The following CYP7B1 variants were observed in gnomAD, a reference collection of about 807,000 sequenced individuals.
CYP7B1 encodes cytochrome P450 family 7 subfamily B member 1.
CYP7B1 carries 29 observed loss-of-function variants against 42.7 expected under a neutral mutation model. The observed-to-expected ratio is 0.68, with a 90% confidence interval of 0.51 to 0.93. The LOEUF is 0.93. CYP7B1 is among the 40% of genes least tolerant of loss of function. The pLI is 0.00. For missense variants in CYP7B1, 655 were observed against 600.5 expected, an observed-to-expected ratio of 1.09 and a Z score of -0.95; for synonymous variants, 235 against 218.2, an observed-to-expected ratio of 1.08 and a Z score of -0.68.
chr8:64,614,745 G>A (rs1805408515), intron 4 of CYP7B1, among the ~76,000 whole-genome samples: 1 of 152,142 alleles, frequency 6.6e-6, no homozygotes, highest in Non-Finnish European at 1.5e-5. Context: ...CAGATGCTCA[G>A]AATCAAATGA....
intron 1 of CYP7B1, among the ~76,000 whole-genome samples, chr8:64,793,808 T>G (rs530250452): frequency 5.3e-5 from 8 of 152,148 alleles, no homozygotes; most frequent in African/African-American, 1.9e-4. Context: ...AACTTAAAGA[T>G]ACATATAAGC....
chr8:64,608,505 T>A (rs1805316622), intron 4 of CYP7B1, among the ~76,000 whole-genome samples: 1 of 152,198 alleles, frequency 6.6e-6, no homozygotes, highest in African/African-American at 2.4e-5. Flanking sequence ...GCCATGGTGA[T>A]CAGAGGATAG....
chr8:64,616,306 AAT>A (rs1273350803), intron 2 of CYP7B1, 25 bp from the exon 3 acceptor site: 5 of 1,389,292 alleles, frequency 3.6e-6, no homozygotes, highest in Non-Finnish European at 5.0e-6. Flanking sequence ...AGAGAGAGAA[AAT>A]ATGAGTTCGT....
At chr8:64,606,227 G>GA (rs1422290608) in intron 4 of CYP7B1, among the ~76,000 whole-genome samples, 2 of 152,192 alleles carry the variant, frequency 1.3e-5, no homozygotes, top group African/African-American at 2.4e-5. Context: ...GATGAGGCCA[G>GA]AAAAGAACTT....
intron 1 of CYP7B1, among the ~76,000 whole-genome samples, chr8:64,789,271 A>C (rs1210021118): frequency 6.6e-6 from 1 of 152,154 alleles, no homozygotes; most frequent in Non-Finnish European, 1.5e-5. Flanking sequence ...CTAAGAAAAA[A>C]AGTTTATTTT....
intron 1 of CYP7B1, among the ~76,000 whole-genome samples, chr8:64,705,802 C>T (rs4472561): frequency 0.034 from 5,190 of 152,128 alleles, 198 homozygotes; most frequent in East Asian, 0.16. Context: ...CCAGTACAGG[C>T]CATCTTTCTT....
At chr8:64,751,085 C>T (rs900444874) in intron 1 of CYP7B1, among the ~76,000 whole-genome samples, 3 of 152,272 alleles carry the variant, frequency 2.0e-5, no homozygotes, top group Non-Finnish European at 2.9e-5. Context: ...TCCCTGGTTG[C>T]TTCCTGTGAC....
At chr8:64,786,591 C>T (rs1000967919) in intron 1 of CYP7B1, among the ~76,000 whole-genome samples, 15 of 152,212 alleles carry the variant, frequency 9.9e-5, no homozygotes, top group African/African-American at 2.4e-5. Flanking sequence ...AGCCCCCCTC[C>T]CAGTTGCTTT....
chr8:64,695,379 T>C (rs144408425), intron 1 of CYP7B1, among the ~76,000 whole-genome samples: 184 of 152,226 alleles, frequency 1.2e-3, no homozygotes, highest in African/African-American at 4.1e-3. Context: ...GCTGCCTACA[T>C]TGGGCGGCGG....
chr8:64,681,356 A>G lies in CYP7B1; in HGVS notation c.123-56817T>C, dbSNP rs1327249414. Among the ~76,000 whole-genome samples, 3 of 152,254 alleles carry G rather than the reference A, an allele frequency of 2.0e-5. No homozygotes were observed. In the Middle Eastern group the frequency reaches 0.01, roughly 518 times the overall value. ...TAGTGGTGGGGGGAGGAAGTTGAAA[A>G]GACAGGTGTGCTCCTTTTGCAGCAG... On this transcript the variant is annotated intron_variant, in intron 1 of 5. Transcript: ENST00000310193.
rs968445995 is a variant in CYP7B1 at position 64,708,908 on chromosome 8, A to T, written c.123-84369T>A. On this transcript the variant is annotated intron_variant, in intron 1 of 5. Coordinates refer to ENST00000310193, the MANE Select transcript of CYP7B1 (RefSeq NM_004820.5). ...CTTTCCACTGGTTTTGTGTATCTAG[A>T]TGAAAGTACTTTCCATAGATAACAC... Among the ~76,000 whole-genome samples, 4 of 152,294 alleles carry T rather than the reference A, an allele frequency of 2.6e-5. No homozygotes were observed. The South Asian group carries it at 8.3e-4, about 32-fold the overall frequency.
rs1327554152 is a variant in CYP7B1 at position 64,613,019 on chromosome 8, GA to G, written c.1057+2006del. 2.6e-5 allele frequency among the ~76,000 whole-genome samples: 4 copies of G among 152,032 alleles called. No homozygotes were observed. In the South Asian group the frequency reaches 8.3e-4, roughly 32 times the overall value. On this transcript the variant is annotated intron_variant, in intron 4 of 5. Coordinates refer to ENST00000310193, the MANE Select transcript of CYP7B1 (RefSeq NM_004820.5). ...GCATAAAACCTTCTATCTTTTGAAA[GA>G]AAAAAATACACACTATTTTCTAGAT...
At chr8:64,730,116 C>T (rs1392042447) in intron 1 of CYP7B1, among the ~76,000 whole-genome samples, 1 of 152,204 alleles carries the variant, frequency 6.6e-6, no homozygotes, top group Non-Finnish European at 1.5e-5. Context: ...GGCTGGAATG[C>T]AGTGGTACCA....
intron 1 of CYP7B1, among the ~76,000 whole-genome samples, chr8:64,660,562 G>A (rs1392044433): frequency 6.6e-6 from 1 of 152,200 alleles, no homozygotes. Flanking sequence ...CCACAGAGTT[G>A]CCTCATGACA....
intron 1 of CYP7B1, among the ~76,000 whole-genome samples, chr8:64,764,543 C>T (rs1470472265): frequency 6.6e-6 from 1 of 152,056 alleles, no homozygotes; most frequent in Non-Finnish European, 1.5e-5. Flanking sequence ...CTCCGTGACC[C>T]TGTAACACTC....
intron 4 of CYP7B1, among the ~76,000 whole-genome samples, chr8:64,610,084 C>G (rs2129630050): frequency 6.6e-6 from 1 of 152,270 alleles, no homozygotes; most frequent in East Asian, 1.9e-4. Flanking sequence ...TCACATGTTT[C>G]TCATCCTATT....
At chr8:64,652,119 A>C (rs1038452287) in intron 1 of CYP7B1, among the ~76,000 whole-genome samples, 1 of 152,236 alleles carries the variant, frequency 6.6e-6, no homozygotes, top group African/African-American at 2.4e-5. Context: ...AATTATAAAT[A>C]CTCAAAATGC....
In CYP7B1 at chr8:64,741,107, G is replaced by C. The variant is rs115547441; in HGVS notation, c.122+57359C>G. 7.7e-3 allele frequency among the ~76,000 whole-genome samples: 1,160 copies of C among 151,592 alleles called. 17 individuals are homozygous for C. The highest frequency in any genetic ancestry group is 0.026 in the African/African-American group (1,090 of 41,346). ...ACATAATATTTAATAGTGAAAAACT[G>C]GATGCTCTTTCCCTAAGTTAGAGAT... On this transcript the variant is annotated intron_variant, in intron 1 of 5. Coordinates refer to ENST00000310193, the MANE Select transcript of CYP7B1 (RefSeq NM_004820.5).
intron 2 of CYP7B1, among the ~76,000 whole-genome samples, chr8:64,617,428 G>A (rs1215664529): frequency 2.0e-5 from 3 of 152,154 alleles, no homozygotes; most frequent in Admixed American, 1.3e-4. Flanking sequence ...GTCAAGAGAT[G>A]TTACGGGTCA....
Sources: gnomAD v4.1 joint callset for allele counts (sites outside exome capture counted in the v4.1 genomes callset) on GRCh38, gnomAD v4.1.1 for gene constraint, MANE v1.5 for transcripts, NCBI Gene and HGNC (gene_info 2026-07-23, HGNC 2026-07-21) for gene names.